Variants in KCNH8 observed in about 807,000 individuals in gnomAD.
KCNH8 encodes voltage-gated delayed rectifier potassium channel KCNH8.
KCNH8 carries 70 observed loss-of-function variants against 103.6 expected under a neutral mutation model. The observed-to-expected ratio is 0.68, with a 90% CI of 0.56 to 0.82. The LOEUF is 0.82. KCNH8 is among the 40% of genes least tolerant of loss of function. KCNH8 has a pLI of 0.00. For synonymous variants in KCNH8, 498 were observed against 489.4 expected (o/e 1.02, Z -0.23); for missense variants, 1,217 against 1,329.9 (o/e 0.92, Z 1.32).
chr3:19,517,641 C>T (rs1455700789), intron 14 of KCNH8, among the ~76,000 whole-genome samples: 5 of 151,970 alleles, frequency 3.3e-5, no homozygotes, highest in Non-Finnish European at 7.4e-5. Flanking sequence ...AATAATATCC[C>T]TTTTCTATGG....
At chr3:19,179,350 C>A (rs1046169699) in intron 1 of KCNH8, among the ~76,000 whole-genome samples, 5 of 152,186 alleles carry the variant, frequency 3.3e-5, no homozygotes, top group Non-Finnish European at 5.9e-5. Flanking sequence ...CTTTACTGGT[C>A]ATTTGAAAGA....
chr3:19,225,945 T>C (rs2063926044), intron 1 of KCNH8, among the ~76,000 whole-genome samples: 1 of 152,196 alleles, frequency 6.6e-6, no homozygotes, highest in South Asian at 2.1e-4. Flanking sequence ...CTTATAGGTG[T>C]TTATTATGAA....
intron 11 of KCNH8, among the ~76,000 whole-genome samples, chr3:19,482,637 G>A (rs998899985): frequency 9.2e-5 from 14 of 152,062 alleles, no homozygotes; most frequent in Admixed American, 7.2e-4. Context: ...CTAGCGCTGG[G>A]AGCCATTTTT....
At chr3:19,392,615 C>T (rs1365511067) in intron 6 of KCNH8, among the ~76,000 whole-genome samples, 1 of 151,908 alleles carries the variant, frequency 6.6e-6, no homozygotes, top group African/African-American at 2.4e-5. Context: ...GTTTGTCTCC[C>T]AAATCTAAAA....
chr3:19,249,382 C>T (rs1420273303), intron 1 of KCNH8, among the ~76,000 whole-genome samples: 1 of 152,188 alleles, frequency 6.6e-6, no homozygotes, highest in Non-Finnish European at 1.5e-5. Flanking sequence ...ACTAAATCCT[C>T]TTTAGAATTG....
At chr3:19,302,478 T>C (rs1309454600) in intron 3 of KCNH8, among the ~76,000 whole-genome samples, 1 of 152,198 alleles carries the variant, frequency 6.6e-6, no homozygotes, top group Admixed American at 6.5e-5. Flanking sequence ...TATTTCTTCA[T>C]GTTGAAATTA....
chr3:19,185,805 G>A (rs1237210929), intron 1 of KCNH8, among the ~76,000 whole-genome samples: 2 of 151,862 alleles, frequency 1.3e-5, no homozygotes, highest in Non-Finnish European at 2.9e-5. Context: ...TTCTGTCAAA[G>A]CAATGGTCTT....
At chr3:19,304,411 T>G (rs1224030279) in intron 3 of KCNH8, among the ~76,000 whole-genome samples, 2 of 151,802 alleles carry the variant, frequency 1.3e-5, no homozygotes, top group African/African-American at 4.8e-5. Flanking sequence ...AAAAATCACA[T>G]TAAATAAAAA....
At chr3:19,368,128 A>G (rs144929059) in intron 5 of KCNH8, among the ~76,000 whole-genome samples, 1 of 152,176 alleles carries the variant, frequency 6.6e-6, no homozygotes, top group African/African-American at 2.4e-5. Flanking sequence ...ATTGCTAAAT[A>G]CTTTAATTAT....
intron 7 of KCNH8, among the ~76,000 whole-genome samples, chr3:19,428,142 A>G (rs2067056718): frequency 6.6e-6 from 1 of 152,204 alleles, no homozygotes; most frequent in Non-Finnish European, 1.5e-5. Context: ...TTTAATATCA[A>G]CATTTCAGAT....
intron 3 of KCNH8, among the ~76,000 whole-genome samples, chr3:19,321,455 G>T (rs369376650): frequency 1.3e-5 from 2 of 150,776 alleles, no homozygotes; most frequent in African/African-American, 5.0e-5. Flanking sequence ...TCATTCAAGA[G>T]CAGGTTATTT....
chr3:19,236,869 A>G (rs2064073410), intron 1 of KCNH8, among the ~76,000 whole-genome samples: 1 of 152,232 alleles, frequency 6.6e-6, no homozygotes, highest in African/African-American at 2.4e-5. Flanking sequence ...TTATGCTAAA[A>G]TATTTTAATG....
At chr3:19,253,307 A>G (rs546966469) in intron 1 of KCNH8, among the ~76,000 whole-genome samples, 1 of 152,186 alleles carries the variant, frequency 6.6e-6, no homozygotes, top group East Asian at 1.9e-4. Flanking sequence ...ACTTTTTCAA[A>G]TTCACCTATA....
chr3:19,173,832 G>T (rs1187485029), intron 1 of KCNH8, among the ~76,000 whole-genome samples: 1 of 151,950 alleles, frequency 6.6e-6, no homozygotes, highest in Non-Finnish European at 1.5e-5. Context: ...TATCCTCAAA[G>T]TAAATAATTC....
intron 3 of KCNH8, among the ~76,000 whole-genome samples, chr3:19,318,821 T>G (rs551567520): frequency 7.9e-5 from 12 of 151,854 alleles, no homozygotes; most frequent in African/African-American, 2.9e-4. Flanking sequence ...GTCTATTACT[T>G]TATGATTTTT....
At chr3:19,417,773 GACAAA>G (rs2066885793) in intron 7 of KCNH8, among the ~76,000 whole-genome samples, 1 of 152,012 alleles carries the variant, frequency 6.6e-6, no homozygotes, top group African/African-American at 2.4e-5. Flanking sequence ...TATGAAGAAA[GACAAA>G]ACAGAAAAAG....
chr3:19,405,381 T>G (rs1265442168), intron 7 of KCNH8, among the ~76,000 whole-genome samples: 1 of 151,866 alleles, frequency 6.6e-6, no homozygotes, highest in Non-Finnish European at 1.5e-5. Context: ...TAATAATGTT[T>G]GATAAGTTTT....
chr3:19,496,467 T>A (rs111456762), intron 11 of KCNH8, among the ~76,000 whole-genome samples: 6,217 of 152,302 alleles, frequency 0.041, 184 homozygotes, highest in Middle Eastern at 0.065. Flanking sequence ...GTTTTTTATT[T>A]CAGTTCTCTT....
At chr3:19,469,134 G>T (rs1451709924) in intron 11 of KCNH8, among the ~76,000 whole-genome samples, 1 of 152,142 alleles carries the variant, frequency 6.6e-6, no homozygotes, top group East Asian at 1.9e-4. Flanking sequence ...CATAATAACA[G>T]AACATAATTA....
Sources: allele counts gnomAD v4.1 joint callset (sites outside exome capture counted in the v4.1 genomes callset), GRCh38; gene constraint gnomAD v4.1.1; transcripts MANE v1.5; gene names NCBI Gene and HGNC (gene_info 2026-07-23, HGNC 2026-07-21).